TMTC2: variants seen among roughly 807,000 people sequenced by gnomAD.
TMTC2 encodes protein O-mannosyl-transferase TMTC2.
Under a neutral mutation model 82.4 loss-of-function variants are expected in TMTC2, and 43 were observed. That is an observed-to-expected ratio of 0.52 (90% CI 0.41 to 0.67). The LOEUF is 0.67. TMTC2 is among the 30% of genes least tolerant of loss of function. TMTC2 has a pLI of 0.00. For synonymous variants in TMTC2, 408 were observed against 381.9 expected (o/e 1.07, Z -0.80); for missense variants, 919 against 1,012.4 (o/e 0.91, Z 1.25).
Position 82,851,066 on chromosome 12 carries a change from A to AAAAAAG in TMTC2, c.84-5939_84-5934dup, listed in dbSNP as rs1870950205. 2.0e-5 allele frequency among the ~76,000 whole-genome samples: 3 copies of AAAAAAG among 152,198 alleles called. 1 individual carries two copies. In the South Asian group the frequency reaches 6.2e-4, roughly 32 times the overall value. On this transcript the variant is annotated intron_variant, in intron 1 of 11. Coordinates refer to ENST00000321196, the MANE Select transcript of TMTC2 (RefSeq NM_152588.3). Reference sequence around the variant, plus strand: ...GTGACAGAGCGAGACTCCATCTCAAAAAAAAGAAAACAACATTGTGTTTGC... The same window carrying AAAAAAG: ...GTGACAGAGCGAGACTCCATCTCAAAAAAAAGAAAAAGAAAACAACATTGTGTTTGC...
intron 4 of TMTC2, among the ~76,000 whole-genome samples, chr12:82,934,939 TG>T (rs1485953519): frequency 1.3e-5 from 2 of 152,200 alleles, no homozygotes; most frequent in Admixed American, 6.5e-5. Context: ...GGTATCTCAT[TG>T]TGGTATTTCT....
At chr12:82,841,382 T>C (rs1464720511) in intron 1 of TMTC2, among the ~76,000 whole-genome samples, 1 of 152,224 alleles carries the variant, frequency 6.6e-6, no homozygotes, top group Non-Finnish European at 1.5e-5. Flanking sequence ...CTTTCTCCCC[T>C]CATTCTTGGA....
intron 11 of TMTC2, among the ~76,000 whole-genome samples, chr12:83,093,103 G>GCATGCA (rs1307293854): frequency 1.3e-5 from 2 of 152,038 alleles, no homozygotes; most frequent in Non-Finnish European, 2.9e-5. Flanking sequence ...GTGTGTGTGT[G>GCATGCA]CATGCACATG....
chr12:82,948,634 G>C (rs1005759772), intron 4 of TMTC2, among the ~76,000 whole-genome samples: 1 of 152,132 alleles, frequency 6.6e-6, no homozygotes, highest in Non-Finnish European at 1.5e-5. Flanking sequence ...TTTAACAGCA[G>C]ACTTTCATTA....
At chr12:82,814,125 T>C (rs1014414375) in intron 1 of TMTC2, among the ~76,000 whole-genome samples, 1 of 152,154 alleles carries the variant, frequency 6.6e-6, no homozygotes, top group Non-Finnish European at 1.5e-5. Context: ...GGTGAGGTCA[T>C]GGATGGCAGA....
intron 1 of TMTC2, among the ~76,000 whole-genome samples, chr12:82,828,406 G>A (rs1869553776): frequency 6.6e-6 from 1 of 151,902 alleles, no homozygotes; most frequent in Non-Finnish European, 1.5e-5. Context: ...CGCCAGGTGG[G>A]CCAGACTGGT....
Position 83,133,236 on chromosome 12 carries a change from C to T in TMTC2, c.*847C>T, listed in dbSNP as rs565696936. ...AAAATAGCTATTCCTGGAGAATGTG[C>T]AAGCTTACATAAGGATAAAGGACAG... On this transcript the variant is annotated 3_prime_UTR_variant, in exon 12 of 12. Coordinates refer to ENST00000321196, the MANE Select transcript of TMTC2 (RefSeq NM_152588.3). 4 of 152,118 alleles carry T rather than the reference C, an allele frequency of 2.6e-5. No individual in the cohort carries two copies. The highest frequency in any genetic ancestry group is 9.7e-5 in the African/African-American group (4 of 41,432). 9.4% of individuals were successfully genotyped at this position (152,118 alleles called of 1,614,324 possible).
chr12:83,002,183 T>C (rs1879958852), intron 8 of TMTC2, among the ~76,000 whole-genome samples: 1 of 152,192 alleles, frequency 6.6e-6, no homozygotes, highest in African/African-American at 2.4e-5. Flanking sequence ...AGAGTTTCAA[T>C]TTCTTCATGG....
intron 1 of TMTC2, among the ~76,000 whole-genome samples, chr12:82,782,946 T>TC (rs1187621889): frequency 6.6e-6 from 1 of 152,178 alleles, no homozygotes; most frequent in Non-Finnish European, 1.5e-5. Flanking sequence ...GGAAATGCCT[T>TC]CATTTAGTCT....
At chr12:82,917,070 T>A (rs2137220670) in intron 3 of TMTC2, among the ~76,000 whole-genome samples, 1 of 152,294 alleles carries the variant, frequency 6.6e-6, no homozygotes, top group East Asian at 1.9e-4. Context: ...CTTATTTCCC[T>A]GGAGTCACAT....
At chr12:82,726,376 T>C (rs546203778) in intron 1 of TMTC2, among the ~76,000 whole-genome samples, 1 of 152,306 alleles carries the variant, frequency 6.6e-6, no homozygotes, top group East Asian at 1.9e-4. Context: ...GAGATGGTAA[T>C]GACACTTGTG....
intron 3 of TMTC2, among the ~76,000 whole-genome samples, chr12:82,897,347 T>C (rs1231921811): frequency 6.6e-6 from 1 of 152,170 alleles, no homozygotes; most frequent in Admixed American, 6.5e-5. Context: ...TCAGAATCGA[T>C]AGAGTAGAAA....
intron 1 of TMTC2, among the ~76,000 whole-genome samples, chr12:82,786,180 A>G (rs1878167431): frequency 6.6e-6 from 1 of 152,038 alleles, no homozygotes; most frequent in Non-Finnish European, 1.5e-5. Context: ...TCTAATATGT[A>G]TCTGCATGGG....
At chr12:82,914,222 T>C (rs1282196897) in intron 3 of TMTC2, among the ~76,000 whole-genome samples, 2 of 152,250 alleles carry the variant, frequency 1.3e-5, no homozygotes. Flanking sequence ...ATTTTAGAGA[T>C]CTCAGTTATT....
At chr12:82,765,382 G>A (rs1182942737) in intron 1 of TMTC2, among the ~76,000 whole-genome samples, 1 of 152,084 alleles carries the variant, frequency 6.6e-6, no homozygotes, top group African/African-American at 2.4e-5. Flanking sequence ...CCTAAAAACA[G>A]GTGCCTTGCT....
At chr12:82,917,193 A>G (rs766338018) in intron 3 of TMTC2, among the ~76,000 whole-genome samples, 3 of 152,220 alleles carry the variant, frequency 2.0e-5, no homozygotes, top group Non-Finnish European at 4.4e-5. Context: ...AAACAGCAAC[A>G]ACACATTCAT....
chr12:83,056,589 A>G (rs1882551710), intron 10 of TMTC2, among the ~76,000 whole-genome samples: 1 of 151,990 alleles, frequency 6.6e-6, no homozygotes, highest in African/African-American at 2.4e-5. Context: ...AATTGTTTTC[A>G]CAAATCAGAT....
At chr12:82,843,283 C>T (rs1043449539) in intron 1 of TMTC2, among the ~76,000 whole-genome samples, 1 of 151,950 alleles carries the variant, frequency 6.6e-6, no homozygotes, top group African/African-American at 2.4e-5. Context: ...GACGGGGTTT[C>T]ACCATGTTGG....
chr12:83,004,530 G>T (rs1274832627), intron 8 of TMTC2, among the ~76,000 whole-genome samples: 1 of 151,934 alleles, frequency 6.6e-6, no homozygotes, highest in African/African-American at 2.4e-5. Flanking sequence ...ATCTGTTTTA[G>T]AATTTGCTGT....
Sources: gnomAD v4.1 joint callset for allele counts (sites outside exome capture counted in the v4.1 genomes callset) on GRCh38, gnomAD v4.1.1 for gene constraint, MANE v1.5 for transcripts, NCBI Gene and HGNC (gene_info 2026-07-23, HGNC 2026-07-21) for gene names.